Variants in RBFOX1 observed in about 807,000 individuals in gnomAD.
The protein encoded by RBFOX1 is RNA binding fox-1 homolog 1.
A neutral mutation model predicts 57.7 loss-of-function variants in RBFOX1; 8 were observed. The ratio of observed to expected loss-of-function variants is 0.14; its 90% CI spans 0.08 to 0.25. The LOEUF (loss-of-function observed/expected upper bound fraction) is 0.25, where lower values mean the gene tolerates loss of function less well. Among genes scored for constraint, RBFOX1 ranks in the 10% least tolerant of loss-of-function variants. The pLI is 1.00. For missense variants in RBFOX1, 611 were observed against 548.5 expected (o/e 1.11, Z -1.14); for synonymous variants, 326 against 222.4 (o/e 1.47, Z -4.15).
At chr16:5,964,737 C>T (rs1444747764) in intron 4 of RBFOX1, among the ~76,000 whole-genome samples, 1 of 151,560 alleles carries the variant, frequency 6.6e-6, no homozygotes, top group African/African-American at 2.4e-5. Flanking sequence ...CACAATGACT[C>T]TTAGGTTATG....
chr16:7,595,695 G>A (rs1270369312), intron 8 of RBFOX1, 54 bp downstream of exon 8: 41 of 1,445,424 alleles, frequency 2.8e-5, no homozygotes, highest in African/African-American at 5.7e-5. Flanking sequence ...TCTGCTTCAC[G>A]CTCATTCGTT....
intron 2 of RBFOX1, among the ~76,000 whole-genome samples, chr16:5,488,932 A>T (rs1283346863): frequency 6.6e-6 from 1 of 152,236 alleles, no homozygotes; most frequent in Non-Finnish European, 1.5e-5. Context: ...GCTGACTTAC[A>T]TGTCAGTATT....
chr16:6,018,971 G>A (rs576828590), upstream of RBFOX1: 29 of 503,766 alleles, frequency 5.8e-5, no homozygotes, highest in South Asian at 1.4e-3. Context: ...GCGTGACCGC[G>A]GCGGCGGCGG....
At chr16:5,389,534 T>C (rs1002586754) in intron 1 of RBFOX1, among the ~76,000 whole-genome samples, 18 of 152,156 alleles carry the variant, frequency 1.2e-4, no homozygotes, top group Non-Finnish European at 2.6e-4. Context: ...AAAATTGACA[T>C]ACTCCTGTGT....
chr16:7,058,051 C>G (rs963602420), intron 4 of RBFOX1, among the ~76,000 whole-genome samples: 1 of 150,156 alleles, frequency 6.7e-6, no homozygotes, highest in Non-Finnish European at 1.5e-5. Context: ...TAGATCTCTG[C>G]TATGCTTTCA....
At chr16:5,690,307 C>T (rs1351384793) in intron 3 of RBFOX1, among the ~76,000 whole-genome samples, 1 of 152,194 alleles carries the variant, frequency 6.6e-6, no homozygotes, top group Non-Finnish European at 1.5e-5. Flanking sequence ...ATTGCATCCT[C>T]TCCTGAAAGG....
chr16:6,892,495 C>T (rs902704562), intron 3 of RBFOX1, among the ~76,000 whole-genome samples: 14 of 152,122 alleles, frequency 9.2e-5, no homozygotes, highest in East Asian at 5.8e-4. Context: ...CACGGTGAAA[C>T]CCTGATTCTA....
At chr16:5,431,209 C>G (rs2067723171) in intron 1 of RBFOX1, among the ~76,000 whole-genome samples, 1 of 152,176 alleles carries the variant, frequency 6.6e-6, no homozygotes, top group Non-Finnish European at 1.5e-5. Flanking sequence ...TAACTCGATT[C>G]TCCAAAAATG....
chr16:6,431,082 G>A (rs1470214628), intron 2 of RBFOX1, among the ~76,000 whole-genome samples: 2 of 152,022 alleles, frequency 1.3e-5, no homozygotes, highest in African/African-American at 2.4e-5. Context: ...AGGATGCAGT[G>A]AGCCAGGATT....
At chr16:7,594,418 T>C (rs2094588054) in intron 7 of RBFOX1, among the ~76,000 whole-genome samples, 1 of 152,180 alleles carries the variant, frequency 6.6e-6, no homozygotes, top group Non-Finnish European at 1.5e-5. Context: ...AAGAGCTGGG[T>C]AAATTTATGT....
chr16:5,841,270 G>GC (rs1176702021), intron 3 of RBFOX1, among the ~76,000 whole-genome samples: 1 of 152,166 alleles, frequency 6.6e-6, no homozygotes, highest in Admixed American at 6.5e-5. Flanking sequence ...AGATTCAGTA[G>GC]CTGAGGAGCA....
chr16:7,699,260 A>C (rs1386026193), intron 14 of RBFOX1, among the ~76,000 whole-genome samples: 1 of 99,824 alleles, frequency 1.0e-5, no homozygotes, highest in Non-Finnish European at 2.3e-5. Context: ...GCCTGATCTT[A>C]GCTTCCTGTA....
At chr16:6,502,594 C>A (rs1598380185) in intron 2 of RBFOX1, among the ~76,000 whole-genome samples, 2 of 152,160 alleles carry the variant, frequency 1.3e-5, no homozygotes, top group East Asian at 3.9e-4. Context: ...TGAGAGAGGT[C>A]AAGGAGGGGA....
intron 4 of RBFOX1, among the ~76,000 whole-genome samples, chr16:7,229,788 G>A: frequency 1.2e-5 from 1 of 80,594 alleles, no homozygotes; most frequent in Non-Finnish European, 2.5e-5. Context: ...GGAAGGAAGG[G>A]AGAGAGAGGG....
At chr16:6,393,884 G>A (rs936061828) in intron 2 of RBFOX1, among the ~76,000 whole-genome samples, 6 of 152,164 alleles carry the variant, frequency 3.9e-5, no homozygotes, top group Admixed American at 3.9e-4. Flanking sequence ...AGCAAAACCA[G>A]CCCTGTCCCA....
chr16:7,139,129 C>G (rs1032578439), intron 4 of RBFOX1, among the ~76,000 whole-genome samples: 1 of 150,398 alleles, frequency 6.6e-6, no homozygotes, highest in East Asian at 1.9e-4. Flanking sequence ...ATATTCTTAC[C>G]AGTGTCTGGA....
At chr16:7,358,242 G>C (rs1333482094) in intron 4 of RBFOX1, among the ~76,000 whole-genome samples, 1 of 152,228 alleles carries the variant, frequency 6.6e-6, no homozygotes, top group Non-Finnish European at 1.5e-5. Context: ...GTCAGCCTCT[G>C]CTGCAAATAA....
chr16:6,412,632 C>G (rs1313936323), intron 2 of RBFOX1, among the ~76,000 whole-genome samples: 1 of 152,212 alleles, frequency 6.6e-6, no homozygotes, highest in African/African-American at 2.4e-5. Flanking sequence ...CAATAATAAG[C>G]AAGCGCTTCA....
At chr16:7,151,176 T>C (rs937858327) in intron 4 of RBFOX1, among the ~76,000 whole-genome samples, 2 of 152,296 alleles carry the variant, frequency 1.3e-5, no homozygotes, top group Non-Finnish European at 2.9e-5. Flanking sequence ...AACTAGAGGC[T>C]ACCTTGGCAA....
Sources: gnomAD v4.1 joint callset for allele counts (sites outside exome capture counted in the v4.1 genomes callset) on GRCh38, gnomAD v4.1.1 for gene constraint, MANE v1.5 for transcripts, NCBI Gene and HGNC (gene_info 2026-07-23, HGNC 2026-07-21) for gene names.